The following TEX11 variants were observed in gnomAD, a reference collection of about 807,000 sequenced individuals.
TEX11 encodes the protein testis expressed 11.
In TEX11, 7 loss-of-function variants were observed where a neutral mutation model predicts 84.4. The observed-to-expected ratio is 0.08, with a 90% CI of 0.05 to 0.16. TEX11 has a LOEUF of 0.16. TEX11 is among the 10% of genes least tolerant of loss of function. The pLI, the probability that TEX11 is intolerant of heterozygous loss-of-function variation, is 1.00. For missense variants in TEX11, 551 were observed against 660.5 expected (o/e 0.83, Z 1.82); for synonymous variants, 264 against 222.8 (o/e 1.18, Z -1.64).
chrX:70,848,799 C>A (rs1033203569), intron 7 of TEX11, among the ~76,000 whole-genome samples: 21 of 111,583 alleles, frequency 1.9e-4, no homozygotes, highest in African/African-American at 6.8e-4. Flanking sequence ...TCCAGGATAG[C>A]CTCCATCATA....
At chrX:70,907,714 G>A (rs1238706346) in intron 2 of TEX11, 39 bp downstream of exon 2, 2 of 1,051,987 alleles carry the variant, frequency 1.9e-6, no homozygotes, top group Non-Finnish European at 2.7e-6. Context: ...TAAAGCAGCA[G>A]TTTGACACTA....
At chrX:70,775,204 G>T (rs1731951491) in intron 9 of TEX11, among the ~76,000 whole-genome samples, 1 of 111,538 alleles carries the variant, frequency 9.0e-6, no homozygotes, top group South Asian at 3.7e-4. Context: ...ATAGATTAAA[G>T]ACTTAAATGT....
chrX:70,874,893 G>A (rs150018032), intron 3 of TEX11, among the ~76,000 whole-genome samples: 7,382 of 110,285 alleles, frequency 0.067, 257 homozygotes, highest in Non-Finnish European at 0.1. Context: ...AAAAATGTTC[G>A]CCTGGGTGCG....
intron 2 of TEX11, among the ~76,000 whole-genome samples, chrX:70,906,954 C>T (rs955205493): frequency 2.7e-5 from 3 of 111,580 alleles, no homozygotes; most frequent in East Asian, 2.8e-4. Context: ...AAGATAGTAC[C>T]ACAAACTCTC....
chrX:70,521,090 C>T, the TEX11 span, among the ~76,000 whole-genome samples: 3 of 111,405 alleles, frequency 2.7e-5, no homozygotes, highest in Non-Finnish European at 5.7e-5. Flanking sequence ...CCTTGTGCTT[C>T]CTGGGTGAGG....
intron 9 of TEX11, among the ~76,000 whole-genome samples, chrX:70,752,318 A>T (rs1337142192): frequency 1.8e-5 from 2 of 110,145 alleles, no homozygotes; most frequent in Non-Finnish European, 3.8e-5. Flanking sequence ...TGAAGTCAGG[A>T]GTTGGAGACC....
intron 5 of TEX11, among the ~76,000 whole-genome samples, chrX:70,859,598 A>G (rs994387104): frequency 5.6e-5 from 6 of 107,294 alleles, no homozygotes; most frequent in East Asian, 5.7e-4. Context: ...AAAAAAAAAA[A>G]AAAGAGAGAA....
intron 25 of TEX11, among the ~76,000 whole-genome samples, chrX:70,588,703 G>A (rs1040304930): frequency 9.0e-6 from 1 of 111,719 alleles, no homozygotes; most frequent in Admixed American, 9.5e-5. Flanking sequence ...TGACATGGAC[G>A]AATCTTGAAT....
At chrX:70,652,936 G>GAA (rs199997157) in intron 16 of TEX11, among the ~76,000 whole-genome samples, 4 of 105,949 alleles carry the variant, frequency 3.8e-5, no homozygotes, top group African/African-American at 1.4e-4. Context: ...AGACTGCAAT[G>GAA]AAAAAAAAAA....
intron 8 of TEX11, among the ~76,000 whole-genome samples, chrX:70,827,107 T>A (rs1392778314): frequency 9.1e-6 from 1 of 110,404 alleles, no homozygotes; most frequent in Non-Finnish European, 1.9e-5. Flanking sequence ...CTGGGCAGAG[T>A]AGTGAGGCCC....
chrX:70,814,379 G>T (rs1464153886), intron 8 of TEX11, among the ~76,000 whole-genome samples: 3 of 112,036 alleles, frequency 2.7e-5, no homozygotes, highest in African/African-American at 9.7e-5. Context: ...TTTGAGTTTG[G>T]AATGAAACTA....
intron 25 of TEX11, among the ~76,000 whole-genome samples, chrX:70,588,926 C>T (rs2088889523): frequency 1.1e-5 from 1 of 94,934 alleles, no homozygotes; most frequent in South Asian, 4.8e-4. Context: ...GACCAAAACC[C>T]CAACTCAAAA....
intron 20 of TEX11, among the ~76,000 whole-genome samples, chrX:70,623,287 G>A (rs183535935): frequency 4.5e-5 from 5 of 112,076 alleles, no homozygotes; most frequent in East Asian, 2.8e-4. Context: ...TCAACACCCC[G>A]AGTAGAGTTT....
chrX:70,599,727 A>T (rs1603123532), intron 24 of TEX11, among the ~76,000 whole-genome samples: 1 of 91,395 alleles, frequency 1.1e-5, no homozygotes, highest in Non-Finnish European at 2.1e-5. Flanking sequence ...TGTCCATGTG[A>T]TCTCATTGTT....
chrX:70,757,382 T>A (rs148266306), intron 9 of TEX11, among the ~76,000 whole-genome samples: 1,616 of 111,462 alleles, frequency 0.014, 26 homozygotes, highest in African/African-American at 0.047. Flanking sequence ...AAAGGTCAGG[T>A]TACCCACAAA....
chrX:70,603,951 C>T (rs1175178354), intron 24 of TEX11, among the ~76,000 whole-genome samples: 1 of 111,878 alleles, frequency 8.9e-6, no homozygotes, highest in East Asian at 2.8e-4. Context: ...ATAGGGACCA[C>T]ACTTAGATGA....
downstream of TEX11, among the ~76,000 whole-genome samples, chrX:70,524,755 G>A (rs758666421): frequency 3.6e-4 from 40 of 112,002 alleles, 1 homozygote; most frequent in African/African-American, 1.2e-3. Flanking sequence ...TAGTAGAGAC[G>A]GGGTTTCTCC....
chrX:70,876,122 A>G (rs1011968057), intron 3 of TEX11, among the ~76,000 whole-genome samples: 88 of 112,779 alleles, frequency 7.8e-4, no homozygotes, highest in Admixed American at 3.3e-3. Flanking sequence ...CCAGTGTAAT[A>G]TTCTTTCAAC....
At chrX:70,861,744 G>C (rs780096960) in intron 4 of TEX11, among the ~76,000 whole-genome samples, 77 of 111,314 alleles carry the variant, frequency 6.9e-4, no homozygotes, top group Non-Finnish European at 1.3e-3. Flanking sequence ...TGGGATTACA[G>C]GTGTGAGCCA....
Sources: allele counts gnomAD v4.1 joint callset (sites outside exome capture counted in the v4.1 genomes callset), GRCh38; gene constraint gnomAD v4.1.1; transcripts MANE v1.5; gene names NCBI Gene and HGNC (gene_info 2026-07-23, HGNC 2026-07-21).